SETDB2: variants seen among roughly 807,000 people sequenced by gnomAD.
SETDB2 encodes the protein SET domain bifurcated histone lysine methyltransferase 2, also known as histone-lysine N-methyltransferase SETDB2.
A neutral mutation model predicts 82.5 loss-of-function variants in SETDB2; 56 were observed. That is an observed-to-expected ratio of 0.68 (90% CI 0.55 to 0.85). The LOEUF (loss-of-function observed/expected upper bound fraction) is 0.85, where lower values mean the gene tolerates loss of function less well. Ranked by LOEUF, SETDB2 falls within the 40% of genes least tolerant of loss-of-function variation. The pLI, the probability that SETDB2 is intolerant of heterozygous loss-of-function variation, is 0.00. For missense variants in SETDB2, 677 were observed against 816.4 expected (o/e 0.83, Z 2.08); for synonymous variants, 272 against 284.9 (o/e 0.95, Z 0.46).
At chr13:49,481,220 G>A in intron 8 of SETDB2, 104 bp downstream of exon 8, 1 of 1,012,058 alleles carries the variant, frequency 9.9e-7, no homozygotes, top group South Asian at 1.7e-5. Context: ...AAGGTAAAGA[G>A]TAACAGTATC....
intron 6 of SETDB2, among the ~76,000 whole-genome samples, chr13:49,478,978 A>G (rs1326840479): frequency 3.9e-5 from 6 of 152,232 alleles, no homozygotes; most frequent in Admixed American, 3.9e-4. Context: ...CTAATCCAGT[A>G]GAAAAGTTAA....
Position 49,461,098 on chromosome 13 carries a change from A to T in SETDB2, c.144A>T (p.Glu48Asp), listed in dbSNP as rs1389948443. The T allele has an allele frequency of 6.2e-7, 1 of 1,611,182 alleles. No homozygotes were observed. The highest frequency in any genetic ancestry group is 8.5e-7 in the Non-Finnish European group (1 of 1,177,868). ...ATGCTGTTTTTCTGTCTTTAACAGA[A>T]TACATCCAAGCAATGATTCTAGTGA... is the stretch of plus-strand genomic sequence containing the variant. The part of the protein sequence containing the change: ...KIKDGSATNK[E>D]YIQAMILVNE... The change falls in exon 4 of 14, where the codon GAA becomes GAT. Residue 48 changes from glutamate (E) to aspartate (D), a missense_variant and splice_region_variant. Coordinates refer to ENST00000611815, the MANE Select transcript of SETDB2 (RefSeq NM_001160308.3).
At chr13:49,471,934 A>ATATATATATT (rs1378783393) in intron 5 of SETDB2, among the ~76,000 whole-genome samples, 5 of 119,280 alleles carry the variant, frequency 4.2e-5, no homozygotes, top group Non-Finnish European at 4.9e-5. Context: ...ATATATATAT[A>ATATATATATT]TTTTTTTTTT....
chr13:49,481,036 TGTTCAAAACTGA>T lies in SETDB2; in HGVS notation c.1078_1089del (p.Phe360_Glu363del). ...CATGGTCCTCAAGTGAGGTTACAGG[TGTTCAAAACTGA>T]GCAGAAGGGATGGGGTGTACGCTGT... On this transcript the variant is annotated inframe_deletion, in exon 8 of 14. Coordinates refer to ENST00000611815, the MANE Select transcript of SETDB2 (RefSeq NM_001160308.3). The T allele has an allele frequency of 6.2e-7, 1 of 1,614,202 alleles. No homozygotes were observed. Among genetic ancestry groups the T allele is most frequent in the Non-Finnish European group, 8.5e-7 (1 of 1,179,998 alleles).
intron 2 of SETDB2, among the ~76,000 whole-genome samples, chr13:49,452,933 A>C (rs943892543): frequency 2.0e-5 from 3 of 152,154 alleles, no homozygotes; most frequent in Non-Finnish European, 4.4e-5. Context: ...ACAGAGCTTG[A>C]GCTGGCTAAT....
intron 2 of SETDB2, among the ~76,000 whole-genome samples, chr13:49,454,636 C>T (rs1957847019): frequency 6.6e-6 from 1 of 152,112 alleles, no homozygotes; most frequent in Non-Finnish European, 1.5e-5. Context: ...GTCTGCATTC[C>T]TTACTGAGAT....
chr13:49,457,736 T>C (rs1326007081), intron 2 of SETDB2, among the ~76,000 whole-genome samples: 1 of 152,130 alleles, frequency 6.6e-6, no homozygotes, highest in Non-Finnish European at 1.5e-5. Context: ...TAAAACAATT[T>C]TAAATGATAA....
intron 1 of SETDB2, chr13:49,446,280 G>GT (rs1957684591): frequency 1.4e-5 from 6 of 426,298 alleles, no homozygotes; most frequent in Non-Finnish European, 9.3e-6. Flanking sequence ...TTGACCTTGA[G>GT]TTTTTTCTTG....
At chr13:49,483,192 T>TA (rs1304707948) in intron 9 of SETDB2, among the ~76,000 whole-genome samples, 1 of 152,228 alleles carries the variant, frequency 6.6e-6, no homozygotes, top group African/African-American at 2.4e-5. Flanking sequence ...TCAGGTTTTT[T>TA]ATGGATGTCA....
At position 49,491,867 on chromosome 13, in the gene SETDB2, G is replaced by C. The variant is rs1235425475; in HGVS notation, c.*18G>C. 6.6e-7 allele frequency: 1 copy of C among 1,523,066 alleles called. No individual in the cohort carries two copies. Among genetic ancestry groups the C allele is most frequent in the Non-Finnish European group, 9.1e-7 (1 of 1,097,998 alleles). 94.3% of individuals were successfully genotyped at this position (1,523,066 alleles called of 1,614,324 possible). The stretch of plus-strand genomic sequence containing the variant: ...TATTATAAATATGTAACTAACGCCT[G>C]TTTGTGAAATTAGCTTATCAGGCTG... On this transcript the variant is annotated 3_prime_UTR_variant, in exon 14 of 14. Coordinates refer to ENST00000611815, the MANE Select transcript of SETDB2 (RefSeq NM_001160308.3).
rs78531605 is a variant in SETDB2 at position 49,489,318 on chromosome 13, C to G, written c.1917+688C>G. On this transcript the variant is annotated intron_variant, in intron 12 of 13. Transcript: ENST00000611815. Reference sequence around the variant, plus strand: ...GCAACAGAGCAATACTGGAATAGTGCTAATATGAGGAAATGGTATCATCTA... The same window carrying G: ...GCAACAGAGCAATACTGGAATAGTGGTAATATGAGGAAATGGTATCATCTA... The G allele has an allele frequency of 3.9e-4, 67 of 172,674 alleles. No homozygotes were observed. In the East Asian group the frequency reaches 1.0e-2, roughly 26 times the overall value. The allele number at this position is 172,674 out of a possible 1,614,324, so 10.7% of individuals were successfully genotyped here.
rs1958373423 is a variant in SETDB2 at position 49,476,772 on chromosome 13, AGT to A, written c.605_606del (p.Cys202Ter). The A allele has an allele frequency of 6.2e-7, 1 of 1,613,830 alleles. No individual in the cohort carries two copies. On this transcript the variant is annotated frameshift_variant, in exon 6 of 14. Coordinates refer to ENST00000611815, the MANE Select transcript of SETDB2 (RefSeq NM_001160308.3). LOFTEE classifies it high-confidence loss of function. Reference sequence around the variant, plus strand: ...GTTTTTCGTTACCTGCTTGAGACAGAGTGTAACTTTTTATTTACAGATAACTT... The same window carrying A: ...GTTTTTCGTTACCTGCTTGAGACAGAGTAACTTTTTATTTACAGATAACTT...
In SETDB2 at chr13:49,488,220, G is replaced by A. The variant is rs191380754; in HGVS notation, c.1577-70G>A. The A allele has an allele frequency of 1.0e-5, 15 of 1,504,738 alleles. No homozygotes were observed. The African/African-American group carries it at 1.5e-4, about 15-fold the overall frequency. 93.2% of individuals were successfully genotyped at this position (1,504,738 alleles called of 1,614,324 possible). A position where few individuals can be genotyped will look rare whatever the true frequency, so the allele number is the denominator to read the frequency against. ...AATTAAAGCACCTAGCATCTAATTA[G>A]TGTTGTTAATTTCAGCACTATTGCT... On this transcript the variant is annotated intron_variant, in intron 11 of 13. Transcript: ENST00000611815.
At chr13:49,450,945 TATTA>T (rs533261116) in intron 1 of SETDB2, among the ~76,000 whole-genome samples, 481 of 118,664 alleles carry the variant, frequency 4.1e-3, no homozygotes, top group Middle Eastern at 0.012. Flanking sequence ...AGGTTTATAT[TATTA>T]ATTAATATTT....
Position 49,460,136 on chromosome 13 carries a change from G to A in SETDB2, c.46G>A (p.Glu16Lys). The change falls in exon 3 of 14, where the codon GAA becomes AAA. Residue 16 changes from glutamate to lysine, a missense_variant. By Grantham distance (56) the Glu-to-Lys change is moderately conservative. Around this residue, in one of 3 missense-constraint regions of SETDB2, gnomAD observed 14 missense variants for 24.6 expected, o/e 0.57. Transcript: ENST00000611815. Reference sequence around the variant, plus strand: ...TGCAAAAACTTTCTGGATGGAGCTAGAAGATGATGGAAAAGTGGACTTCAT... The same window carrying A: ...TGCAAAAACTTTCTGGATGGAGCTAAAAGATGATGGAAAAGTGGACTTCAT... ...GDAKTFWMEL[E>K]DDGKVDFIFE... 2 of 1,613,116 alleles carry A rather than the reference G, an allele frequency of 1.2e-6. No homozygotes were observed. Among genetic ancestry groups the A allele is most frequent in the South Asian group, 1.1e-5 (1 of 90,972 alleles).
chr13:49,447,522 G>A, intron 1 of SETDB2, among the ~76,000 whole-genome samples: 1 of 152,160 alleles, frequency 6.6e-6, no homozygotes, highest in East Asian at 1.9e-4. Flanking sequence ...GGATGTTTTG[G>A]TAGATAGCCT....
Position 49,489,916 on chromosome 13 carries a change from CCCT to C in SETDB2, c.1918-905_1918-903del, listed in dbSNP as rs1311584910. On this transcript the variant is annotated intron_variant, in intron 12 of 13. Coordinates refer to ENST00000611815, the MANE Select transcript of SETDB2 (RefSeq NM_001160308.3). ...TGGCCTTATTTCTCCCGCCCCCCCC[CCCT>C]TTTTTTTTTACATAAAACATAGCAT... is the stretch of plus-strand genomic sequence containing the variant. Among the ~76,000 whole-genome samples the C allele has an allele frequency of 2.6e-4, 13 of 49,058 alleles. 1 individual carries two copies. In the East Asian group the frequency reaches 4.6e-3, roughly 17 times the overall value. 32.2% of individuals were successfully genotyped at this position (49,058 alleles called of 152,430 possible).
At chr13:49,457,481 T>A (rs1171890377) in intron 2 of SETDB2, among the ~76,000 whole-genome samples, 1 of 149,892 alleles carries the variant, frequency 6.7e-6, no homozygotes, top group Non-Finnish European at 1.5e-5. Context: ...TTACCCAGGC[T>A]GGAGTGCAGT....
At chr13:49,466,210 G>A (rs1193176864) in intron 4 of SETDB2, among the ~76,000 whole-genome samples, 2 of 152,046 alleles carry the variant, frequency 1.3e-5, no homozygotes, top group Admixed American at 6.5e-5. Context: ...GAGGTGGCAG[G>A]ATCACTTGAG....
Sources: allele counts gnomAD v4.1 joint callset (sites outside exome capture counted in the v4.1 genomes callset), GRCh38; gene constraint gnomAD v4.1.1; regional missense constraint gnomAD v4.1.1; transcripts MANE v1.5; gene names NCBI Gene and HGNC (gene_info 2026-07-23, HGNC 2026-07-21).